CSMD1: variants seen among roughly 807,000 people sequenced by gnomAD.
The protein encoded by CSMD1 is CUB and sushi domain-containing protein 1.
CSMD1 carries 213 observed loss-of-function variants against 417.5 expected under a neutral mutation model. The observed-to-expected ratio is 0.51, with a 90% CI of 0.46 to 0.57. The LOEUF is 0.57. Ranked by LOEUF, CSMD1 falls within the 20% of genes least tolerant of loss-of-function variation. CSMD1 has a pLI of 0.00. For synonymous variants in CSMD1, 2,862 were observed against 1,736.8 expected, an observed-to-expected ratio of 1.65 and a Z score of -16.11; for missense variants, 6,923 against 4,529.7, an observed-to-expected ratio of 1.53 and a Z score of -15.17.
At chr8:3,183,717 T>C (rs2589289) in intron 36 of CSMD1, among the ~76,000 whole-genome samples, 112,935 of 152,122 alleles carry the variant, frequency 0.74, 42,124 homozygotes, top group Non-Finnish European at 0.77. Context: ...TTAATACCAT[T>C]GGCATCCATC....
intron 7 of CSMD1, among the ~76,000 whole-genome samples, chr8:3,629,818 C>CCTTATACT (rs1563214118): frequency 3.9e-5 from 6 of 152,182 alleles, no homozygotes; most frequent in African/African-American, 1.2e-4. Context: ...GACATAACTT[C>CCTTATACT]GGTCCGTCAG....
intron 3 of CSMD1, among the ~76,000 whole-genome samples, chr8:4,129,105 A>G (rs1802940124): frequency 6.6e-6 from 1 of 151,822 alleles, no homozygotes; most frequent in Non-Finnish European, 1.5e-5. Context: ...AAACAAAAAA[A>G]ACAGAATTTT....
At chr8:3,374,246 A>T (rs1052347370) in intron 18 of CSMD1, among the ~76,000 whole-genome samples, 1 of 152,120 alleles carries the variant, frequency 6.6e-6, no homozygotes, top group Non-Finnish European at 1.5e-5. Flanking sequence ...GGCGTGAGCC[A>T]CCATGTCCGA....
chr8:3,272,425 G>A (rs971443404), intron 26 of CSMD1, among the ~76,000 whole-genome samples: 1 of 150,750 alleles, frequency 6.6e-6, no homozygotes, highest in African/African-American at 2.4e-5. Context: ...CTCCTTTTTG[G>A]TTCCATATGA....
At chr8:4,849,893 A>C (rs1193266965) in intron 1 of CSMD1, among the ~76,000 whole-genome samples, 1 of 152,178 alleles carries the variant, frequency 6.6e-6, no homozygotes, top group Non-Finnish European at 1.5e-5. Flanking sequence ...GGTATATTAG[A>C]AATGGCATTT....
At chr8:4,949,254 ATG>A (rs1808573595) in intron 1 of CSMD1, among the ~76,000 whole-genome samples, 1 of 152,110 alleles carries the variant, frequency 6.6e-6, no homozygotes, top group African/African-American at 2.4e-5. Flanking sequence ...ATCTTCATAA[ATG>A]AGAGTGGCCT....
At chr8:4,909,644 G>C (rs1485595927) in intron 1 of CSMD1, among the ~76,000 whole-genome samples, 1 of 152,164 alleles carries the variant, frequency 6.6e-6, no homozygotes, top group South Asian at 2.1e-4. Flanking sequence ...AAGGCAATGA[G>C]TGTAGGGGCC....
chr8:3,665,750 A>AC (rs1798656286), intron 7 of CSMD1, among the ~76,000 whole-genome samples: 1 of 146,096 alleles, frequency 6.8e-6, no homozygotes, highest in Non-Finnish European at 1.5e-5. Flanking sequence ...AAATATAGGA[A>AC]GGTGTTTATC....
intron 6 of CSMD1, among the ~76,000 whole-genome samples, chr8:3,725,606 GAGA>G (rs1477446599): frequency 1.3e-5 from 2 of 152,242 alleles, no homozygotes; most frequent in Middle Eastern, 3.4e-3. Flanking sequence ...GCTTAGGAGA[GAGA>G]AGGTTTCAGG....
At chr8:3,133,196 G>A (rs1817889118) in intron 41 of CSMD1, among the ~76,000 whole-genome samples, 1 of 152,076 alleles carries the variant, frequency 6.6e-6, no homozygotes, top group Middle Eastern at 3.4e-3. Context: ...CTTGGCTGCT[G>A]CTGTCCTCCT....
At chr8:3,763,595 C>G (rs978457805) in intron 5 of CSMD1, among the ~76,000 whole-genome samples, 3 of 152,142 alleles carry the variant, frequency 2.0e-5, no homozygotes, top group Non-Finnish European at 2.9e-5. Context: ...CTGTGGAATT[C>G]TGAGCCAAAT....
intron 26 of CSMD1, among the ~76,000 whole-genome samples, chr8:3,269,138 C>T (rs1344902096): frequency 1.3e-5 from 2 of 152,222 alleles, no homozygotes; most frequent in Non-Finnish European, 2.9e-5. Context: ...ATCTTACTTT[C>T]AATCAATTCA....
At chr8:3,629,701 A>C (rs1402958040) in intron 7 of CSMD1, among the ~76,000 whole-genome samples, 1 of 150,946 alleles carries the variant, frequency 6.6e-6, no homozygotes. Flanking sequence ...AAAAGACCAC[A>C]TGATCGGCAC....
chr8:3,246,353 T>G (rs1171363142), intron 26 of CSMD1, among the ~76,000 whole-genome samples: 4 of 152,186 alleles, frequency 2.6e-5, no homozygotes, highest in Non-Finnish European at 4.4e-5. Flanking sequence ...GCAAAAATCC[T>G]TATTTGGGTC....
intron 5 of CSMD1, among the ~76,000 whole-genome samples, chr8:3,764,501 C>T (rs1438135156): frequency 6.6e-6 from 1 of 152,128 alleles, no homozygotes; most frequent in African/African-American, 2.4e-5. Context: ...AGCAGAGTAG[C>T]CCTGGGTGAC....
intron 3 of CSMD1, among the ~76,000 whole-genome samples, chr8:4,409,635 T>G (rs1416120458): frequency 1.9e-5 from 1 of 53,512 alleles, no homozygotes; most frequent in African/African-American, 8.2e-5. Flanking sequence ...ATTATTTGAC[T>G]TTTTTTCTTT....
At chr8:3,599,141 G>C (rs1434809825) in intron 8 of CSMD1, among the ~76,000 whole-genome samples, 1 of 142,158 alleles carries the variant, frequency 7.0e-6, no homozygotes, top group Non-Finnish European at 1.5e-5. Context: ...GTGTGTGTGT[G>C]TGTGTGTGTC....
At chr8:4,162,453 C>G (rs950338195) in intron 3 of CSMD1, among the ~76,000 whole-genome samples, 5 of 152,176 alleles carry the variant, frequency 3.3e-5, no homozygotes, top group South Asian at 2.1e-4. Flanking sequence ...GAGGTGAATT[C>G]AAGACTTACA....
At chr8:3,545,514 A>G (rs1254237261) in intron 10 of CSMD1, among the ~76,000 whole-genome samples, 3 of 152,346 alleles carry the variant, frequency 2.0e-5, no homozygotes, top group East Asian at 3.9e-4. Flanking sequence ...ATAAAGAATC[A>G]TACTGTTCGG....
Sources: allele counts gnomAD v4.1 joint callset (sites outside exome capture counted in the v4.1 genomes callset), GRCh38; gene constraint gnomAD v4.1.1; transcripts MANE v1.5; gene names NCBI Gene and HGNC (gene_info 2026-07-23, HGNC 2026-07-21).